Variants in ADAMTSL5 observed in about 807,000 individuals in gnomAD.
ADAMTSL5 encodes the protein ADAMTS-like protein 5.
A neutral mutation model predicts 51.7 loss-of-function variants in ADAMTSL5; 53 were observed. The observed-to-expected ratio is 1.03, with a 90% CI of 0.82 to 1.29. The LOEUF is 1.29. Ranked by LOEUF, ADAMTSL5 falls within the 50% of genes most tolerant of loss-of-function variation. The pLI is 0.00. For missense variants in ADAMTSL5, 770 were observed against 676.2 expected, an observed-to-expected ratio of 1.14 and a Z score of -1.54; for synonymous variants, 285 against 278.7, an observed-to-expected ratio of 1.02 and a Z score of -0.23.
chr19:1,505,901 G>A lies in ADAMTSL5; in HGVS notation c.*114C>T. The A allele has an allele frequency of 7.7e-7, 1 of 1,303,442 alleles. No individual in the cohort carries two copies. Among genetic ancestry groups the A allele is most frequent in the East Asian group, 2.6e-5 (1 of 38,422 alleles). 80.7% of individuals were successfully genotyped at this position (1,303,442 alleles called of 1,614,324 possible). On this transcript the variant is annotated 3_prime_UTR_variant, in exon 12 of 12. Transcript: ENST00000330475. ...GGGAGGGAGTCACATAGCTGCACAG[G>A]TGGGACGTATTTCAGAGCTGCCTGG... is the stretch of plus-strand genomic sequence containing the variant.
chr19:1,507,723 G>T (rs1913023782), intron 7 of ADAMTSL5, 80 bp from the exon 8 acceptor site: 1 of 1,405,690 alleles, frequency 7.1e-7, no homozygotes. Context: ...ATGAGCTACT[G>T]CGGGTAAGAC....
chr19:1,505,899 A>G lies in ADAMTSL5; in HGVS notation c.*116T>C. On this transcript the variant is annotated 3_prime_UTR_variant, in exon 12 of 12. Coordinates refer to ENST00000330475, the MANE Select transcript of ADAMTSL5 (RefSeq NM_213604.3). ...GTGGGAGGGAGTCACATAGCTGCAC[A>G]GGTGGGACGTATTTCAGAGCTGCCT... The G allele has an allele frequency of 7.8e-7, 1 of 1,287,602 alleles. No homozygotes were observed. The highest frequency in any genetic ancestry group is 1.0e-6 in the Non-Finnish European group (1 of 968,980). The allele number at this position is 1,287,602 out of a possible 1,614,324, so 79.8% of individuals were successfully genotyped here. A position where few individuals can be genotyped will look rare whatever the true frequency, so the allele number is the denominator to read the frequency against.
Position 1,510,844 on chromosome 19 carries a change from C to A in ADAMTSL5, c.99+1G>T. On this transcript the variant is annotated splice_donor_variant, in intron 2 of 11. Transcript: ENST00000330475. LOFTEE classifies it high-confidence loss of function. Reference sequence around the variant, plus strand: ...CCCCCTGGGCTCATGCCCCCCCTTACCTGAGCACTGACCCCCAAACCACAG... The same window carrying A: ...CCCCCTGGGCTCATGCCCCCCCTTAACTGAGCACTGACCCCCAAACCACAG... The A allele has an allele frequency of 6.5e-7, 1 of 1,547,786 alleles. No individual in the cohort carries two copies. Among genetic ancestry groups the A allele is most frequent in the East Asian group, 2.4e-5 (1 of 41,070 alleles).
At chr19:1,512,172 C>G (rs544655493) in intron 1 of ADAMTSL5, among the ~76,000 whole-genome samples, 1 of 152,314 alleles carries the variant, frequency 6.6e-6, no homozygotes, top group Admixed American at 6.5e-5. Context: ...GGGTGAGCCC[C>G]GGCCCGGGCA....
chr19:1,512,535 C>T (rs1913314998), intron 1 of ADAMTSL5, among the ~76,000 whole-genome samples: 1 of 152,296 alleles, frequency 6.6e-6, no homozygotes, highest in Middle Eastern at 3.4e-3. Flanking sequence ...CAAAAATTAG[C>T]CCGGTGTGGT....
rs1447005364 is a variant in ADAMTSL5 at position 1,507,683 on chromosome 19, G to A, written c.602-40C>T. The A allele has an allele frequency of 1.9e-6, 3 of 1,579,172 alleles. No individual in the cohort carries two copies. In the South Asian group the frequency reaches 3.3e-5, roughly 17 times the overall value. On this transcript the variant is annotated intron_variant, in intron 7 of 11. Coordinates refer to ENST00000330475, the MANE Select transcript of ADAMTSL5 (RefSeq NM_213604.3). ...AGGAGGGTGTTGGGGTGCCAGTGGGGGTGTATTTGAGCGATGACTTGAGGA... is the reference window on the plus strand; with the variant it reads ...AGGAGGGTGTTGGGGTGCCAGTGGGAGTGTATTTGAGCGATGACTTGAGGA...
rs192665643 is a variant in ADAMTSL5 at position 1,510,935 on chromosome 19, C to G, written c.9G>C (p.Ser3=). 3 of 1,440,268 alleles carry G rather than the reference C, an allele frequency of 2.1e-6. No homozygotes were observed. Among genetic ancestry groups the G allele is most frequent in the East Asian group, 5.5e-5 (2 of 36,210 alleles). The allele number at this position is 1,440,268 out of a possible 1,614,324, so 89.2% of individuals were successfully genotyped here. The stretch of plus-strand genomic sequence containing the variant: ...GGTGGGGCCTGGGGAACAGAGGGGC[C>G]GAGTCCATAGAGCCACCGCCAGAGA... The part of the protein sequence containing the change: MD[S]APLFPRPHLF... The change falls in exon 2 of 12, where the codon TCG becomes TCC. Residue 3 remains serine, a synonymous_variant. Transcript: ENST00000330475.
chr19:1,512,797 T>C (rs1438633017), intron 1 of ADAMTSL5, among the ~76,000 whole-genome samples, 166 bp downstream of exon 1: 1 of 151,566 alleles, frequency 6.6e-6, no homozygotes, highest in African/African-American at 2.4e-5. Flanking sequence ...AGTGGGGGGC[T>C]ACAAGGACCA....
chr19:1,511,577 C>G (rs1232661300), intron 1 of ADAMTSL5: 22 of 1,254,772 alleles, frequency 1.8e-5, no homozygotes, highest in Non-Finnish European at 2.2e-5. Context: ...CAGGTGCCTC[C>G]TAGGGCTGGG....
chr19:1,510,707 C>G lies in ADAMTSL5; in HGVS notation c.123G>C (p.Trp41Cys). Residue 41 changes from tryptophan to cysteine, a missense_variant, in exon 3 of 12, where the codon TGG becomes TGC. Coordinates refer to ENST00000330475, the MANE Select transcript of ADAMTSL5 (RefSeq NM_213604.3). ...SAQGPGEWTP[W>C]VSWTRCSSSC... is the part of the protein sequence containing the mutation. ...AGCTGGAGCAGCGGGTCCAGGACAC[C>G]CACGGGGTCCACTCGCCCGGACCCT... is the stretch of plus-strand genomic sequence containing the variant. 6.5e-7 allele frequency: 1 copy of G among 1,542,142 alleles called. No individual in the cohort carries two copies. Among genetic ancestry groups the G allele is most frequent in the Non-Finnish European group, 8.7e-7 (1 of 1,142,926 alleles).
In ADAMTSL5 at chr19:1,506,806, C is replaced by A; in HGVS notation, c.975G>T (p.Arg325=). Residue 325 remains arginine (R), a synonymous_variant, in exon 10 of 12, where the codon CGG becomes CGT. Coordinates refer to ENST00000330475, the MANE Select transcript of ADAMTSL5 (RefSeq NM_213604.3). The surrounding 1 kb of genome is among the most constrained non-coding windows in gnomAD (Gnocchi z 5.6). ...LGWPLRQPQP[R]GVEPQPPAAP... ...CTGCGGGGGGCTGAGGCTCCACCCC[C>A]CGGGGCTGAGGCTGCCTCAGGGGCC... The A allele has an allele frequency of 6.5e-7, 1 of 1,541,670 alleles. No individual in the cohort carries two copies. The highest frequency in any genetic ancestry group is 8.7e-7 in the Non-Finnish European group (1 of 1,144,406).
rs759018698 is a variant in ADAMTSL5 at position 1,510,231 on chromosome 19, G to A, written c.280C>T (p.Arg94Ter). The part of the protein sequence containing the change: ...PDCPPGAVPF[R>*]DLQCALYNGR... ...TTGTACAGGGCACACTGTAGGTCTC[G>A]GAAGGGCACAGCCCCTGGGGGGCAG... Residue 94 changes from arginine (R) to a stop codon, truncating the protein, a stop_gained, in exon 5 of 12, where the codon CGA becomes TGA. Coordinates refer to ENST00000330475, the MANE Select transcript of ADAMTSL5 (RefSeq NM_213604.3). LOFTEE classifies it high-confidence loss of function. 8.1e-6 allele frequency: 13 copies of A among 1,613,244 alleles called. No individual in the cohort carries two copies. In the East Asian group the frequency reaches 1.1e-4, roughly 14 times the overall value.
At chr19:1,507,488 C>A (rs1018556706) in intron 8 of ADAMTSL5, 69 bp downstream of exon 8, 2 of 1,611,862 alleles carry the variant, frequency 1.2e-6, no homozygotes, top group Admixed American at 1.7e-5. Flanking sequence ...TCAGTCTCCC[C>A]ATCTGTAAAC....
At chr19:1,507,873 A>G (rs2145499268) in intron 7 of ADAMTSL5, 125 bp downstream of exon 7, 1 of 1,140,574 alleles carries the variant, frequency 8.8e-7, no homozygotes, top group Non-Finnish European at 1.2e-6. Context: ...GTAGCCAATC[A>G]GGATGAGGAG....
intron 5 of ADAMTSL5, among the ~76,000 whole-genome samples, chr19:1,509,306 C>CCAGCAAGT (rs1458376604): frequency 4.0e-5 from 6 of 150,550 alleles, no homozygotes; most frequent in Non-Finnish European, 7.4e-5. Flanking sequence ...GGCCCAGGCA[C>CCAGCAAGT]CAGCAAGTAC....
intron 8 of ADAMTSL5, 39 bp from the exon 9 acceptor site, chr19:1,507,444 C>T (rs752134562): frequency 1.8e-5 from 29 of 1,597,802 alleles, no homozygotes; most frequent in Admixed American, 6.8e-5. Flanking sequence ...CCTGTCGTCT[C>T]GTCTCCCAGA....
Position 1,506,703 on chromosome 19 carries a change from C to T in ADAMTSL5, c.1042+36G>A, listed in dbSNP as rs1439053137. 1 of 1,548,590 alleles carries T rather than the reference C, an allele frequency of 6.5e-7. No homozygotes were observed. Among genetic ancestry groups the T allele is most frequent in the Non-Finnish European group, 8.7e-7 (1 of 1,145,710 alleles). ...GCTGTGAGGGGCACAGGCCTCAGTC[C>T]CCACTCATCCCCCACCCTGGCTGTC... On this transcript the variant is annotated intron_variant, in intron 10 of 11. Transcript: ENST00000330475. The surrounding 1 kb of genome is among the most constrained non-coding windows in gnomAD (Gnocchi z 5.6).
Position 1,506,276 on chromosome 19 carries a change from C to G in ADAMTSL5, c.1155G>C (p.Gln385His), listed in dbSNP as rs1455999113. The G allele has an allele frequency of 1.3e-6, 2 of 1,556,660 alleles. No individual in the cohort carries two copies. The highest frequency in any genetic ancestry group is 3.7e-5 in the Admixed American group (2 of 54,470). ...ARVLGHHHQA[Q>H]ETRYEVRIQL... ...GGATGCGCACCTCATAGCGGGTCTCCTGGGCCTGGTGGTGGTGGCCCAGCA... is the reference window on the plus strand; with the variant it reads ...GGATGCGCACCTCATAGCGGGTCTCGTGGGCCTGGTGGTGGTGGCCCAGCA... Residue 385 changes from glutamine (Q) to histidine (H), a missense_variant, in exon 12 of 12, where the codon CAG becomes CAC. Gln to His is a conservative substitution (Grantham distance 24). Transcript: ENST00000330475. The surrounding 1 kb of genome is among the most constrained non-coding windows in gnomAD (Gnocchi z 5.6).
At chr19:1,511,885 G>C (rs1361184010) in intron 1 of ADAMTSL5, 2 of 282,632 alleles carry the variant, frequency 7.1e-6, no homozygotes, top group Admixed American at 4.4e-5. Context: ...GCCCAGGTCC[G>C]TTCGGTGCCT....
Sources: allele counts gnomAD v4.1 joint callset (sites outside exome capture counted in the v4.1 genomes callset), GRCh38; gene constraint gnomAD v4.1.1; non-coding constraint Gnocchi (gnomAD v3.1); transcripts MANE v1.5; gene names NCBI Gene and HGNC (gene_info 2026-07-23, HGNC 2026-07-21).